The following ASAP1 variants were observed in gnomAD, a reference collection of about 807,000 sequenced individuals.
The protein encoded by ASAP1 is ArfGAP with SH3 domain, ankyrin repeat and PH domain 1, also known as arf-GAP with SH3 domain, ANK repeat and PH domain-containing protein 1.
ASAP1 carries 43 observed loss-of-function variants against 145.2 expected under a neutral mutation model. That is an observed-to-expected ratio of 0.30 (90% CI 0.23 to 0.38). The LOEUF (loss-of-function observed/expected upper bound fraction) is 0.38. Ranked by LOEUF, ASAP1 falls within the 10% of genes least tolerant of loss-of-function variation. The probability of loss-of-function intolerance (pLI) is 1.00; values close to 1 mark genes in which losing one functional copy is unlikely to be tolerated. For missense variants in ASAP1, 1,018 were observed against 1,355.3 expected (o/e 0.75, Z 3.91); for synonymous variants, 546 against 515.5 (o/e 1.06, Z -0.80).
At chr8:130,320,294 G>A (rs1023401039) in intron 3 of ASAP1, among the ~76,000 whole-genome samples, 4 of 152,144 alleles carry the variant, frequency 2.6e-5, no homozygotes, top group Admixed American at 2.0e-4. Flanking sequence ...AGTGGCTGTC[G>A]CCTGTAATCC....
intron 25 of ASAP1, among the ~76,000 whole-genome samples, chr8:130,090,499 C>G (rs370043472): frequency 4.5e-4 from 68 of 152,288 alleles, no homozygotes; most frequent in African/African-American, 1.5e-3. Context: ...ATTGTTCTTG[C>G]CTGGCTTGTG....
At chr8:130,265,262 C>G (rs1308806552) in intron 3 of ASAP1, among the ~76,000 whole-genome samples, 1 of 152,056 alleles carries the variant, frequency 6.6e-6, no homozygotes, top group Non-Finnish European at 1.5e-5. Context: ...CATACTTTCC[C>G]CAAAACAAGA....
intron 25 of ASAP1, among the ~76,000 whole-genome samples, chr8:130,091,300 G>A (rs1295597749): frequency 6.6e-6 from 1 of 152,202 alleles, no homozygotes; most frequent in Non-Finnish European, 1.5e-5. Context: ...AAACAGGTAG[G>A]GAGGAAGCTG....
chr8:130,247,538 A>G (rs1818924968), intron 3 of ASAP1, among the ~76,000 whole-genome samples: 2 of 152,106 alleles, frequency 1.3e-5, no homozygotes, highest in Non-Finnish European at 2.9e-5. Flanking sequence ...AAAAAAAACA[A>G]CAACAAGGAT....
intron 2 of ASAP1, among the ~76,000 whole-genome samples, chr8:130,391,026 C>T (rs1001052728): frequency 1.4e-4 from 21 of 149,558 alleles, no homozygotes; most frequent in African/African-American, 5.3e-4. Flanking sequence ...AAGGTAGAAG[C>T]AAACACGTAT....
chr8:130,405,352 G>A (rs1828978221), intron 1 of ASAP1, among the ~76,000 whole-genome samples: 1 of 152,152 alleles, frequency 6.6e-6, no homozygotes, highest in African/African-American at 2.4e-5. Flanking sequence ...CCTGACCCGG[G>A]TGGTCTAAAA....
chr8:130,432,259 AG>A (rs1300753708), intron 1 of ASAP1, among the ~76,000 whole-genome samples: 2 of 152,144 alleles, frequency 1.3e-5, no homozygotes, highest in African/African-American at 4.8e-5. Context: ...TAATCACAAT[AG>A]TAAAGACTGG....
chr8:130,222,059 G>A (rs1015081604), intron 4 of ASAP1, among the ~76,000 whole-genome samples: 1 of 152,196 alleles, frequency 6.6e-6, no homozygotes, highest in Non-Finnish European at 1.5e-5. Context: ...TTACCCCGTG[G>A]ACAGGAAGCA....
At chr8:130,373,504 G>T (rs1433848213) in intron 2 of ASAP1, among the ~76,000 whole-genome samples, 2 of 152,298 alleles carry the variant, frequency 1.3e-5, no homozygotes. Context: ...CTGCTAATTA[G>T]TGAAAAACAC....
chr8:130,244,451 T>G (rs1353343537), intron 3 of ASAP1, among the ~76,000 whole-genome samples: 3 of 152,134 alleles, frequency 2.0e-5, no homozygotes, highest in Non-Finnish European at 4.4e-5. Flanking sequence ...AATAAACCCT[T>G]CCAAAGCAGC....
intron 7 of ASAP1, among the ~76,000 whole-genome samples, chr8:130,183,312 C>T (rs372040689): frequency 2.0e-5 from 3 of 151,776 alleles, no homozygotes; most frequent in East Asian, 3.9e-4. Context: ...GGAACAATGC[C>T]TTCAACATTT....
intron 1 of ASAP1, among the ~76,000 whole-genome samples, chr8:130,423,524 G>GA (rs1252582385): frequency 2.0e-5 from 3 of 151,978 alleles, no homozygotes; most frequent in Admixed American, 1.3e-4. Flanking sequence ...GCAAAAACTA[G>GA]AAACAACCTA....
At chr8:130,240,557 T>C (rs1818462564) in intron 3 of ASAP1, among the ~76,000 whole-genome samples, 1 of 152,128 alleles carries the variant, frequency 6.6e-6, no homozygotes, top group Non-Finnish European at 1.5e-5. Flanking sequence ...TGGTAGATAA[T>C]ATAGGCTATA....
chr8:130,244,027 G>A (rs1818701014), intron 3 of ASAP1, among the ~76,000 whole-genome samples: 1 of 152,062 alleles, frequency 6.6e-6, no homozygotes, highest in Non-Finnish European at 1.5e-5. Context: ...CACAGGTGAT[G>A]ACCTATTAAA....
chr8:130,091,920 C>T, intron 25 of ASAP1, 53 bp downstream of exon 25: 1 of 1,472,792 alleles, frequency 6.8e-7, no homozygotes, highest in Non-Finnish European at 9.0e-7. Flanking sequence ...CCAGTGGAGC[C>T]CCACACGCTG....
At chr8:130,116,307 G>A (rs990132942) in intron 22 of ASAP1, among the ~76,000 whole-genome samples, 3 of 152,208 alleles carry the variant, frequency 2.0e-5, no homozygotes, top group African/African-American at 7.2e-5. Flanking sequence ...TTAACATTTT[G>A]AAGACCACTA....
chr8:130,230,506 GA>G (rs984089863), intron 4 of ASAP1, among the ~76,000 whole-genome samples: 1 of 151,786 alleles, frequency 6.6e-6, no homozygotes, highest in African/African-American at 2.4e-5. Context: ...CCCTTTGGGG[GA>G]AAAAAACCCC....
At chr8:130,065,394 G>A (rs745821354) in intron 27 of ASAP1, among the ~76,000 whole-genome samples, 23 of 152,158 alleles carry the variant, frequency 1.5e-4, no homozygotes, top group Non-Finnish European at 2.9e-4. Context: ...GTCCTCTAGG[G>A]TTTTTAATGG....
At chr8:130,147,309 C>T (rs1255004427) in intron 13 of ASAP1, among the ~76,000 whole-genome samples, 1 of 150,812 alleles carries the variant, frequency 6.6e-6, no homozygotes, top group Non-Finnish European at 1.5e-5. Context: ...ATTTATTGAG[C>T]ACTAATTCTG....
Sources: allele counts gnomAD v4.1 joint callset (sites outside exome capture counted in the v4.1 genomes callset), GRCh38; gene constraint gnomAD v4.1.1; transcripts MANE v1.5; gene names NCBI Gene and HGNC (gene_info 2026-07-23, HGNC 2026-07-21).